NUP93: variants seen among roughly 807,000 people sequenced by gnomAD.
The protein encoded by NUP93 is nuclear pore complex protein Nup93.
Under a neutral mutation model 107.8 loss-of-function variants are expected in NUP93, and 55 were observed. The observed-to-expected ratio is 0.51, with a 90% CI of 0.41 to 0.64. The LOEUF is 0.64. Among genes scored for constraint, NUP93 ranks in the 30% least tolerant of loss-of-function variants. The pLI is 0.00. For synonymous variants in NUP93, 390 were observed against 397.5 expected, an observed-to-expected ratio of 0.98 and a Z score of 0.22; for missense variants, 937 against 1,044.7, an observed-to-expected ratio of 0.90 and a Z score of 1.42.
rs138234318 is a variant in NUP93, at chr16:56,844,564, G to A, written c.2415G>A (p.Gly805=). 2 of 1,586,810 alleles carry A rather than the reference G, an allele frequency of 1.3e-6. No homozygotes were observed. Among genetic ancestry groups the A allele is most frequent in the African/African-American group, 1.4e-5 (1 of 73,356 alleles). ...FAGMIPYRTS[G]DTNARLVQME... ...GAATGATACCATACCGAACGTCTGG[G>A]GACACCAATGCGAGGCTGGTGCAGA... Residue 805 remains glycine (G), a synonymous_variant, in exon 22 of 22, where the codon GGG becomes GGA. Transcript: ENST00000308159.
rs1964105511 is a variant in NUP93, at chr16:56,845,430, C to T, written c.*821C>T. 1.3e-5 allele frequency: 2 copies of T among 152,322 alleles called. No individual in the cohort carries two copies. The highest frequency in any genetic ancestry group is 6.5e-5 in the Admixed American group (1 of 15,282). 9.4% of individuals were successfully genotyped at this position (152,322 alleles called of 1,614,324 possible). A position where few individuals can be genotyped will look rare whatever the true frequency, so the allele number is the denominator to read the frequency against. On this transcript the variant is annotated 3_prime_UTR_variant, in exon 22 of 22. Coordinates refer to ENST00000308159, the MANE Select transcript of NUP93 (RefSeq NM_014669.5). ...TGCTCAGACGACCCCCTTCCCCACT[C>T]ATTAAGGTAATTGGCCAGGCAGGCT...
chr16:56,840,996 CAAA>C (rs11428485), intron 20 of NUP93, among the ~76,000 whole-genome samples: 6 of 98,194 alleles, frequency 6.1e-5, no homozygotes, highest in Non-Finnish European at 4.3e-5. Flanking sequence ...GACTTTGTCT[CAAA>C]AAAAAAAAAA....
At chr16:56,844,460 G>T in intron 21 of NUP93, 39 bp from the exon 22 acceptor site, 1 of 1,277,264 alleles carries the variant, frequency 7.8e-7, no homozygotes, top group Non-Finnish European at 1.0e-6. Flanking sequence ...TGACTCGAAA[G>T]TTAACCGATT....
chr16:56,829,946 G>A (rs1284383944), intron 9 of NUP93, among the ~76,000 whole-genome samples: 7 of 152,212 alleles, frequency 4.6e-5, no homozygotes, highest in Non-Finnish European at 7.3e-5. Flanking sequence ...AAGCGTAAGC[G>A]CAGGCCGCTG....
intron 3 of NUP93, among the ~76,000 whole-genome samples, chr16:56,770,614 G>C (rs763150601): frequency 2.0e-5 from 3 of 152,128 alleles, no homozygotes; most frequent in Non-Finnish European, 4.4e-5. Flanking sequence ...ACTCCCCCTT[G>C]AAGTTGTTAG....
At position 56,830,581 on chromosome 16, in the gene NUP93, C is replaced by T; in HGVS notation, c.981C>T (p.Arg327=). The change falls in exon 10 of 22, where the codon CGC becomes CGT. Residue 327 remains arginine, a synonymous_variant. Coordinates refer to ENST00000308159, the MANE Select transcript of NUP93 (RefSeq NM_014669.5). ...PVWALIYYCM[R]CGDLLAASQV... The stretch of plus-strand genomic sequence containing the variant: ...GGGCGCTAATTTACTACTGCATGCG[C>T]TGTGGAGACCTGCTTGCCGCTTCAC... The T allele has an allele frequency of 6.2e-7, 1 of 1,610,150 alleles. No homozygotes were observed. The highest frequency in any genetic ancestry group is 8.5e-7 in the Non-Finnish European group (1 of 1,176,708).
At chr16:56,785,389 T>G (rs137904282) in intron 3 of NUP93, among the ~76,000 whole-genome samples, 78 of 152,326 alleles carry the variant, frequency 5.1e-4, no homozygotes, top group African/African-American at 1.7e-3. Context: ...TACTCAAGTT[T>G]GGCTGCTCGG....
At chr16:56,740,938 A>C (rs1597100916) in intron 1 of NUP93, 1 of 170,162 alleles carries the variant, frequency 5.9e-6, no homozygotes, top group African/African-American at 2.4e-5. Context: ...TCAGGCAGGG[A>C]GGTTGCAGTG....
intron 3 of NUP93, among the ~76,000 whole-genome samples, chr16:56,767,818 A>G (rs1380100504): frequency 6.6e-6 from 1 of 152,230 alleles, no homozygotes; most frequent in Admixed American, 6.5e-5. Flanking sequence ...TTACAGGATC[A>G]TTTAATTCTG....
Position 56,748,415 on chromosome 16 carries a change from A to G in NUP93, c.168A>G (p.Ala56=), listed in dbSNP as rs1597103999. The G allele has an allele frequency of 1.9e-6, 3 of 1,612,618 alleles. No homozygotes were observed. In the East Asian group the frequency reaches 6.7e-5, roughly 36 times the overall value. ...RTLTRTSQET[A]DVKASVLLGS... is the part of the protein sequence containing the mutation. ...TAACACGCACGTCCCAGGAGACGGC[A>G]GATGTCAAGGCGTGAGTACTGGTAG... The change falls in exon 2 of 22, where the codon GCA becomes GCG. Residue 56 remains alanine, a synonymous_variant. Coordinates refer to ENST00000308159, the MANE Select transcript of NUP93 (RefSeq NM_014669.5).
At chr16:56,789,875 G>T (rs1439439492) in intron 3 of NUP93, among the ~76,000 whole-genome samples, 3 of 152,192 alleles carry the variant, frequency 2.0e-5, no homozygotes, top group African/African-American at 7.2e-5. Context: ...GAGGCAGGTG[G>T]ATCACCTAAG....
Position 56,842,448 on chromosome 16 carries a change from A to G in NUP93, c.2349+615A>G, listed in dbSNP as rs150521693. 1,302 of 375,540 alleles carry G rather than the reference A, an allele frequency of 3.5e-3. 19 individuals are homozygous for G. Among genetic ancestry groups the G allele is most frequent in the African/African-American group, 0.026 (1,211 of 46,558 alleles). The allele number at this position is 375,540 out of a possible 1,614,324, so 23.3% of individuals were successfully genotyped here. The stretch of plus-strand genomic sequence containing the variant: ...TGCATGGGTCAAGTGGAGTCCAGGT[A>G]GCTAGAACCCTGGGGCTCACAGCAT... On this transcript the variant is annotated intron_variant, in intron 21 of 21. Coordinates refer to ENST00000308159, the MANE Select transcript of NUP93 (RefSeq NM_014669.5).
chr16:56,808,706 T>C (rs1241411943), intron 5 of NUP93, among the ~76,000 whole-genome samples: 1 of 97,272 alleles, frequency 1.0e-5, no homozygotes, highest in African/African-American at 4.5e-5. Context: ...TATATAAAAA[T>C]ACATATATAA....
At chr16:56,766,691 T>C (rs1389489947) in intron 3 of NUP93, among the ~76,000 whole-genome samples, 2 of 152,194 alleles carry the variant, frequency 1.3e-5, no homozygotes, top group Admixed American at 1.3e-4. Flanking sequence ...GAATGTTCGA[T>C]CCAAAGCTGT....
chr16:56,835,373 T>C (rs1963888582), intron 16 of NUP93, among the ~76,000 whole-genome samples: 1 of 152,214 alleles, frequency 6.6e-6, no homozygotes, highest in African/African-American at 2.4e-5. Flanking sequence ...TTTTCTCGTT[T>C]GTAAAAATGA....
intron 8 of NUP93, among the ~76,000 whole-genome samples, chr16:56,825,588 T>G (rs987853418): frequency 2.0e-5 from 3 of 152,150 alleles, no homozygotes; most frequent in Non-Finnish European, 4.4e-5. Flanking sequence ...ATCACCCTAA[T>G]CCTTAACATT....
chr16:56,839,317 A>G (rs907968654), intron 19 of NUP93: 11 of 452,056 alleles, frequency 2.4e-5, no homozygotes, highest in African/African-American at 8.9e-5. Flanking sequence ...GTAATTTGCA[A>G]TCTCAGAATT....
chr16:56,844,759 A>G lies in NUP93; in HGVS notation c.*150A>G. On this transcript the variant is annotated 3_prime_UTR_variant, in exon 22 of 22. Coordinates refer to ENST00000308159, the MANE Select transcript of NUP93 (RefSeq NM_014669.5). ...TTGTCAACGCCAATAAATTTCTTTG[A>G]TTTGTATTTCTTTTCAACATTCTTT... 2.5e-6 allele frequency: 1 copy of G among 402,680 alleles called. No individual in the cohort carries two copies. Among genetic ancestry groups the G allele is most frequent in the East Asian group, 3.6e-5 (1 of 27,912 alleles). 24.9% of individuals were successfully genotyped at this position (402,680 alleles called of 1,614,324 possible).
chr16:56,760,000 A>G (rs1414405545), intron 3 of NUP93, among the ~76,000 whole-genome samples: 4 of 152,086 alleles, frequency 2.6e-5, no homozygotes. Context: ...CCATTTTTTT[A>G]CCTTAAGGTA....
Sources: gnomAD v4.1 joint callset for allele counts (sites outside exome capture counted in the v4.1 genomes callset) on GRCh38, gnomAD v4.1.1 for gene constraint, MANE v1.5 for transcripts, NCBI Gene and HGNC (gene_info 2026-07-23, HGNC 2026-07-21) for gene names.